PLCG2: variants seen among roughly 807,000 people sequenced by gnomAD.
The protein encoded by PLCG2 is 1-phosphatidylinositol 4,5-bisphosphate phosphodiesterase gamma-2.
PLCG2 carries 69 observed loss-of-function variants against 175.6 expected under a neutral mutation model. The ratio of observed to expected loss-of-function variants is 0.39; its 90% confidence interval spans 0.32 to 0.48. The LOEUF (loss-of-function observed/expected upper bound fraction) is 0.48, where lower values mean the gene tolerates loss of function less well. Among genes scored for constraint, PLCG2 ranks in the 20% least tolerant of loss-of-function variants. PLCG2 has a pLI of 0.91. For missense variants in PLCG2, 1,798 were observed against 1,650.9 expected, an observed-to-expected ratio of 1.09 and a Z score of -1.54; for synonymous variants, 827 against 624.0, an observed-to-expected ratio of 1.33 and a Z score of -4.85.
chr16:81,819,679 G>A (rs1333169482), intron 2 of PLCG2, among the ~76,000 whole-genome samples: 3 of 152,160 alleles, frequency 2.0e-5, no homozygotes, highest in African/African-American at 7.2e-5. Context: ...CCGCCTTCTG[G>A]TTTCAAGCGA....
intron 1 of PLCG2, among the ~76,000 whole-genome samples, chr16:81,780,143 C>A (rs905869049): frequency 3.3e-5 from 5 of 152,014 alleles, no homozygotes; most frequent in African/African-American, 1.2e-4. Flanking sequence ...GGGTGAGAAA[C>A]TATGGGGGGC....
In PLCG2 at chr16:81,936,290, G is replaced by C; in HGVS notation, c.2964G>C (p.Lys988Asn). 1 of 1,614,182 alleles carries C rather than the reference G, an allele frequency of 6.2e-7. No homozygotes were observed. The highest frequency in any genetic ancestry group is 8.5e-7 in the Non-Finnish European group (1 of 1,180,036). Residue 988 changes from lysine to asparagine, a missense_variant, in exon 27 of 33, where the codon AAG becomes AAC. Transcript: ENST00000564138. ...AGGGCCTGACCCGCGTCTACCCAAA[G>C]GGACAAAGAGTTGACTCTTCAAACT... ...NQKGLTRVYP[K>N]GQRVDSSNYD... is the part of the protein sequence containing the mutation.
At chr16:81,869,017 A>G (rs970379172) in intron 5 of PLCG2, among the ~76,000 whole-genome samples, 197 bp from the exon 6 acceptor site, 2 of 152,242 alleles carry the variant, frequency 1.3e-5, no homozygotes, top group African/African-American at 4.8e-5. Context: ...ATGTCCATGG[A>G]CATTGCTTGA....
chr16:81,833,840 G>T (rs1017992580), intron 2 of PLCG2, among the ~76,000 whole-genome samples: 1 of 152,122 alleles, frequency 6.6e-6, no homozygotes, highest in Admixed American at 6.5e-5. Flanking sequence ...GAGCCACGGC[G>T]CCCGGCCTCC....
At chr16:81,871,348 G>T (rs1297394483) in intron 7 of PLCG2, among the ~76,000 whole-genome samples, 1 of 152,156 alleles carries the variant, frequency 6.6e-6, no homozygotes, top group Non-Finnish European at 1.5e-5. Flanking sequence ...ACGTTTGTTT[G>T]TTTGTTTTGA....
At chr16:81,830,769 G>A (rs1264691495) in intron 2 of PLCG2, among the ~76,000 whole-genome samples, 1 of 151,882 alleles carries the variant, frequency 6.6e-6, no homozygotes, top group Admixed American at 6.6e-5. Flanking sequence ...GACCCTGGAG[G>A]AGACTGACAG....
At chr16:81,807,847 G>C (rs942077944) in intron 2 of PLCG2, among the ~76,000 whole-genome samples, 1 of 152,150 alleles carries the variant, frequency 6.6e-6, no homozygotes, top group African/African-American at 2.4e-5. Context: ...GCAAGAGAGA[G>C]AGGGAGGGAG....
chr16:81,800,574 C>T (rs1441240726), intron 2 of PLCG2, among the ~76,000 whole-genome samples: 2 of 152,146 alleles, frequency 1.3e-5, no homozygotes, highest in African/African-American at 4.8e-5. Flanking sequence ...CATAGTATTC[C>T]ATGGTGTATA....
chr16:81,889,154 T>C lies in PLCG2; in HGVS notation c.766-18T>C. 6 of 1,492,668 alleles carry C rather than the reference T, an allele frequency of 4.0e-6. No individual in the cohort carries two copies. Among genetic ancestry groups the C allele is most frequent in the Non-Finnish European group, 5.6e-6 (6 of 1,077,442 alleles). The allele number at this position is 1,492,668 out of a possible 1,614,324, so 92.5% of individuals were successfully genotyped here. The stretch of plus-strand genomic sequence containing the variant: ...AGTTCTCACTTTGCTGATCTCTCGT[T>C]CTCTTTGTCATTTTAAGGAGCATTG... On this transcript the variant is annotated intron_variant, in intron 9 of 32. Coordinates refer to ENST00000564138, the MANE Select transcript of PLCG2 (RefSeq NM_002661.5).
At chr16:81,864,038 T>A (rs927711074) in intron 5 of PLCG2, among the ~76,000 whole-genome samples, 1 of 152,214 alleles carries the variant, frequency 6.6e-6, no homozygotes, top group Non-Finnish European at 1.5e-5. Context: ...GCGTTGCAAA[T>A]TTTTTAAATA....
chr16:81,876,306 A>G (rs911230187), intron 7 of PLCG2, among the ~76,000 whole-genome samples: 1 of 152,178 alleles, frequency 6.6e-6, no homozygotes. Flanking sequence ...TATAGACATG[A>G]GCCACTGTGC....
At chr16:81,945,604 G>GC (rs1022712119) in intron 30 of PLCG2, among the ~76,000 whole-genome samples, 47 of 152,144 alleles carry the variant, frequency 3.1e-4, no homozygotes, top group South Asian at 1.0e-3. Context: ...GCTCCAACTT[G>GC]CCCCCCTCAG....
chr16:81,783,015 C>T, intron 1 of PLCG2: 2 of 429,204 alleles, frequency 4.7e-6, no homozygotes, highest in South Asian at 1.7e-5. Context: ...AGTTGATCCA[C>T]TGGGCTTCGA....
chr16:81,927,169 A>G lies in PLCG2; in HGVS notation c.2505A>G (p.Leu835=), dbSNP rs368887042. 1.4e-5 allele frequency: 22 copies of G among 1,610,416 alleles called. No homozygotes were observed. Among genetic ancestry groups the G allele is most frequent in the African/African-American group, 2.7e-5 (2 of 74,856 alleles). Residue 835 remains leucine, a synonymous_variant, in exon 23 of 33, where the codon CTA becomes CTG. Coordinates refer to ENST00000564138, the MANE Select transcript of PLCG2 (RefSeq NM_002661.5). ...TCTCAACTGCAGACTTCGAGGAGCT[A>G]GAAAAGCAGGTGAGTCCCCCTCTTC... is the stretch of plus-strand genomic sequence containing the variant. ...EDISTADFEE[L]EKQIIEDNPL... is the part of the protein sequence containing the mutation.
chr16:81,912,342 A>C (rs933781359), intron 18 of PLCG2, among the ~76,000 whole-genome samples: 3 of 152,246 alleles, frequency 2.0e-5, no homozygotes, highest in African/African-American at 4.8e-5. Context: ...CTGGGATTTC[A>C]GGTGTGAACC....
chr16:81,843,770 A>G (rs1405089402), intron 2 of PLCG2, among the ~76,000 whole-genome samples: 1 of 152,230 alleles, frequency 6.6e-6, no homozygotes, highest in Non-Finnish European at 1.5e-5. Context: ...TTTAAATTGG[A>G]CCCTGGTTGG....
chr16:81,762,546 G>A (rs1398171760), intron 2 of PLCG2, among the ~76,000 whole-genome samples: 4 of 151,690 alleles, frequency 2.6e-5, no homozygotes, highest in Non-Finnish European at 5.9e-5. Flanking sequence ...TCCAGCCTGG[G>A]CAATAGAGTG....
At chr16:81,878,321 G>A (rs547044485) in intron 7 of PLCG2, among the ~76,000 whole-genome samples, 4 of 151,972 alleles carry the variant, frequency 2.6e-5, no homozygotes, top group East Asian at 1.9e-4. Context: ...CACTGGATTC[G>A]GGTCCACCCT....
intron 21 of PLCG2, 122 bp downstream of exon 21, chr16:81,921,391 A>ATTTT: frequency 1.6e-6 from 1 of 621,698 alleles, no homozygotes; most frequent in Non-Finnish European, 3.0e-6. Context: ...GGCCAAAATA[A>ATTTT]TTTTTTTTTT....
Sources: gnomAD v4.1 joint callset for allele counts (sites outside exome capture counted in the v4.1 genomes callset) on GRCh38, gnomAD v4.1.1 for gene constraint, MANE v1.5 for transcripts, NCBI Gene and HGNC (gene_info 2026-07-23, HGNC 2026-07-21) for gene names.